Variants in SYNPR observed in about 807,000 individuals in gnomAD.
The protein encoded by SYNPR is synaptoporin.
In SYNPR, 23 loss-of-function variants were observed where a neutral mutation model predicts 32.9. The ratio of observed to expected loss-of-function variants is 0.70; its 90% CI spans 0.50 to 0.99. SYNPR has a LOEUF of 0.99. Among genes scored for constraint, SYNPR ranks in the 50% least tolerant of loss-of-function variants. SYNPR has a pLI of 0.00. For synonymous variants in SYNPR, 146 were observed against 135.9 expected (o/e 1.07, Z -0.52); for missense variants, 318 against 349.3 (o/e 0.91, Z 0.71).
chr3:63,376,010 C>T (rs1407957018), intron 2 of SYNPR, among the ~76,000 whole-genome samples: 1 of 152,150 alleles, frequency 6.6e-6, no homozygotes, highest in Non-Finnish European at 1.5e-5. Flanking sequence ...TAGACAAGCC[C>T]CAAACCTAGG....
intron 2 of SYNPR, among the ~76,000 whole-genome samples, chr3:63,321,453 C>G (rs1173906811): frequency 6.6e-6 from 1 of 151,988 alleles, no homozygotes; most frequent in Non-Finnish European, 1.5e-5. Context: ...AATGTGATTA[C>G]TGTTATTATG....
intron 4 of SYNPR, among the ~76,000 whole-genome samples, chr3:63,568,468 C>T (rs1702831639): frequency 6.6e-6 from 1 of 152,108 alleles, no homozygotes; most frequent in Admixed American, 6.6e-5. Flanking sequence ...TTTGGGAGAA[C>T]CACCCTCTCC....
chr3:63,250,871 T>A (rs1044859400), intron 1 of SYNPR, among the ~76,000 whole-genome samples: 13 of 152,190 alleles, frequency 8.5e-5, no homozygotes, highest in Non-Finnish European at 5.9e-5. Context: ...TATGGACCCA[T>A]TAAATTAATG....
chr3:63,406,369 G>C lies in SYNPR; in HGVS notation c.85-74463G>C, dbSNP rs1298292848. ...ATAATGAACACTTAAGCATGGGCTA[G>C]GTATTCAGTACATGCTTTATTTTTA... On this transcript the variant is annotated intron_variant, in intron 2 of 5. Coordinates refer to ENST00000478300, the MANE Select transcript of SYNPR (RefSeq NM_001130003.2). Among the ~76,000 whole-genome samples the C allele has an allele frequency of 6.6e-5, 10 of 152,194 alleles. 1 individual carries two copies. Among genetic ancestry groups the C allele is most frequent in the East Asian group, 1.9e-4 (1 of 5,182 alleles).
intron 2 of SYNPR, among the ~76,000 whole-genome samples, chr3:63,403,435 T>TACACAC (rs770658786): frequency 7.8e-5 from 9 of 114,808 alleles, no homozygotes; most frequent in African/African-American, 2.6e-4. Flanking sequence ...TACGTATGTA[T>TACACAC]ACACATACAC....
At chr3:63,569,442 T>A (rs1247955224) in intron 4 of SYNPR, among the ~76,000 whole-genome samples, 1 of 152,074 alleles carries the variant, frequency 6.6e-6, no homozygotes, top group East Asian at 1.9e-4. Context: ...AGAAGAGATC[T>A]CCCAAAAAAG....
At chr3:63,459,189 T>C (rs1700538202) in intron 2 of SYNPR, among the ~76,000 whole-genome samples, 1 of 152,080 alleles carries the variant, frequency 6.6e-6, no homozygotes, top group African/African-American at 2.4e-5. Context: ...TTGGCCCAAA[T>C]TACCTGTCCA....
chr3:63,254,127 A>G (rs1280789296), intron 2 of SYNPR, among the ~76,000 whole-genome samples: 2 of 152,158 alleles, frequency 1.3e-5, no homozygotes, highest in Non-Finnish European at 2.9e-5. Flanking sequence ...ATGAGAACAC[A>G]TGGACACAGG....
At chr3:63,356,099 A>G (rs2087574402) in intron 2 of SYNPR, among the ~76,000 whole-genome samples, 1 of 152,208 alleles carries the variant, frequency 6.6e-6, no homozygotes, top group African/African-American at 2.4e-5. Flanking sequence ...TCATCCTAAG[A>G]TGGCTCATTC....
intron 3 of SYNPR, among the ~76,000 whole-genome samples, chr3:63,486,219 A>G (rs532772846): frequency 1.2e-4 from 19 of 152,256 alleles, no homozygotes; most frequent in Non-Finnish European, 2.5e-4. Context: ...ACAAGTCCCT[A>G]TGACTGTTAA....
intron 2 of SYNPR, among the ~76,000 whole-genome samples, chr3:63,428,430 A>T (rs138933442): frequency 2.0e-5 from 3 of 152,388 alleles, no homozygotes; most frequent in Admixed American, 2.0e-4. Flanking sequence ...TATGAAACAT[A>T]AGATAGCTAT....
intron 2 of SYNPR, among the ~76,000 whole-genome samples, chr3:63,421,759 G>C (rs1403853405): frequency 6.6e-6 from 1 of 152,164 alleles, no homozygotes; most frequent in Non-Finnish European, 1.5e-5. Flanking sequence ...CTCTTTGGTT[G>C]TTGGCAGGAT....
intron 2 of SYNPR, among the ~76,000 whole-genome samples, chr3:63,347,411 T>C (rs1451759874): frequency 6.6e-6 from 1 of 152,242 alleles, no homozygotes; most frequent in Non-Finnish European, 1.5e-5. Context: ...TGTTTATTCT[T>C]TGTCTGAATT....
chr3:63,442,886 T>C (rs749454454), intron 2 of SYNPR, among the ~76,000 whole-genome samples: 1 of 152,152 alleles, frequency 6.6e-6, no homozygotes, highest in African/African-American at 2.4e-5. Flanking sequence ...CATAACAACA[T>C]TTACTTAATC....
intron 2 of SYNPR, among the ~76,000 whole-genome samples, chr3:63,356,867 C>T (rs1308953436): frequency 6.6e-6 from 1 of 152,172 alleles, no homozygotes; most frequent in Non-Finnish European, 1.5e-5. Context: ...TATATGTGAG[C>T]AAATCTGAAG....
chr3:63,578,312 G>A (rs528406132), intron 4 of SYNPR, among the ~76,000 whole-genome samples: 7 of 152,122 alleles, frequency 4.6e-5, no homozygotes, highest in Non-Finnish European at 4.4e-5. Flanking sequence ...GCTAAAGAAG[G>A]CTGTTGGCAA....
intron 2 of SYNPR, chr3:63,289,271 GT>G (rs2086715887): frequency 6.6e-6 from 1 of 152,250 alleles, no homozygotes; most frequent in Admixed American, 6.5e-5. Context: ...TTGGAAGAAT[GT>G]TGATTGTGAG....
chr3:63,569,256 A>T (rs753765388), intron 4 of SYNPR, among the ~76,000 whole-genome samples: 7 of 152,142 alleles, frequency 4.6e-5, no homozygotes, highest in Non-Finnish European at 7.3e-5. Context: ...CACATATTTT[A>T]AATTATTTCC....
intron 2 of SYNPR, among the ~76,000 whole-genome samples, chr3:63,359,103 T>C (rs2087623590): frequency 1.3e-5 from 2 of 152,214 alleles, no homozygotes; most frequent in South Asian, 4.1e-4. Flanking sequence ...AATATGTGTA[T>C]TAAACTTCTA....
Sources: gnomAD v4.1 joint callset for allele counts (sites outside exome capture counted in the v4.1 genomes callset) on GRCh38, gnomAD v4.1.1 for gene constraint, MANE v1.5 for transcripts, NCBI Gene and HGNC (gene_info 2026-07-23, HGNC 2026-07-21) for gene names.